Variants in POFUT2 observed in about 807,000 individuals in gnomAD.
The protein encoded by POFUT2 is protein O-fucosyltransferase 2.
Under a neutral mutation model 55.0 loss-of-function variants are expected in POFUT2, and 30 were observed. That is an observed-to-expected ratio of 0.55 (90% CI 0.41 to 0.74). The LOEUF (loss-of-function observed/expected upper bound fraction) is 0.74. POFUT2 is among the 30% of genes least tolerant of loss of function. POFUT2 has a pLI of 0.00. For synonymous variants in POFUT2, 267 were observed against 231.1 expected, an observed-to-expected ratio of 1.16 and a Z score of -1.41; for missense variants, 524 against 562.6, an observed-to-expected ratio of 0.93 and a Z score of 0.69.
chr21:45,265,310 C>T lies in POFUT2; in HGVS notation c.*172G>A, dbSNP rs114378659. 1.3e-3 allele frequency: 644 copies of T among 488,364 alleles called. 2 individuals are homozygous for T. The highest frequency in any genetic ancestry group is 5.3e-3 in the African/African-American group (269 of 50,376). The allele number at this position is 488,364 out of a possible 1,614,324, so 30.3% of individuals were successfully genotyped here. ...CATCAGCCATGGCGGCTGGCAACGC[C>T]GAGGACGGAGCCCAGCTCTAGAGGC... On this transcript the variant is annotated 3_prime_UTR_variant, in exon 9 of 9. Coordinates refer to ENST00000349485, the MANE Select transcript of POFUT2 (RefSeq NM_133635.6). This position sits in a 1 kb window ranked among gnomAD's most constrained non-coding sequence, Gnocchi z 4.6.
chr21:45,281,355 A>C lies in POFUT2; in HGVS notation c.638+994T>G, dbSNP rs1241656426. On this transcript the variant is annotated intron_variant, in intron 4 of 8. Transcript: ENST00000349485. The surrounding 1 kb of genome is among the most constrained non-coding windows in gnomAD (Gnocchi z 5.0). ...GTCATGAAATGAACCCAGTCCCAGG[A>C]CAACATTAAAGCTGCATCTCAACAA... 6.6e-6 allele frequency among the ~76,000 whole-genome samples: 1 copy of C among 151,438 alleles called. No homozygotes were observed. The highest frequency in any genetic ancestry group is 2.5e-5 in the African/African-American group (1 of 40,764).
chr21:45,265,280 C>CGTA lies in POFUT2; in HGVS notation c.*201_*202insTAC. ...CCGCCACCCCCGAGAGCAGCGGAGC[C>CGTA]TCTTCATCAGCCATGGCGGCTGGCA... On this transcript the variant is annotated 3_prime_UTR_variant, in exon 9 of 9. Coordinates refer to ENST00000349485, the MANE Select transcript of POFUT2 (RefSeq NM_133635.6). The surrounding 1 kb of genome is among the most constrained non-coding windows in gnomAD (Gnocchi z 4.6). The CGTA allele has an allele frequency of 2.3e-6, 1 of 435,512 alleles. No individual in the cohort carries two copies. 27.0% of individuals were successfully genotyped at this position (435,512 alleles called of 1,614,324 possible). A position where few individuals can be genotyped will look rare whatever the true frequency, so the allele number is the denominator to read the frequency against.
In POFUT2 at chr21:45,271,470, C is replaced by T. The variant is rs144733368; in HGVS notation, c.832-1451G>A. Among the ~76,000 whole-genome samples the T allele has an allele frequency of 6.6e-5, 10 of 152,286 alleles. No homozygotes were observed. In the East Asian group the frequency reaches 1.5e-3, roughly 23 times the overall value. ...AAGAGTAATCTAAAAGTTTGGAAAACTTATTTGAGGGAATAATTGAGGAAA... is the reference window on the plus strand; with the variant it reads ...AAGAGTAATCTAAAAGTTTGGAAAATTTATTTGAGGGAATAATTGAGGAAA... On this transcript the variant is annotated intron_variant, in intron 6 of 8. Transcript: ENST00000349485.
chr21:45,276,897 G>T, intron 6 of POFUT2, 120 bp downstream of exon 6: 1 of 1,100,022 alleles, frequency 9.1e-7, no homozygotes. Flanking sequence ...GAGAGGCGCC[G>T]AGGCATCCAC....
In POFUT2 at chr21:45,267,568, C is replaced by T. The variant is rs570960569; in HGVS notation, c.1136+22G>A. ...GAAAGCCACCCGACCCGCTCTCGGC[C>T]GACAGTGACGTGGGCAGGCACCTGG... On this transcript the variant is annotated intron_variant, in intron 8 of 8. Coordinates refer to ENST00000349485, the MANE Select transcript of POFUT2 (RefSeq NM_133635.6). This position sits in a 1 kb window ranked among gnomAD's most constrained non-coding sequence, Gnocchi z 4.4. The T allele has an allele frequency of 3.3e-5, 53 of 1,614,006 alleles. No individual in the cohort carries two copies. The highest frequency in any genetic ancestry group is 4.0e-5 in the African/African-American group (3 of 74,916).
intron 4 of POFUT2, among the ~76,000 whole-genome samples, chr21:45,280,726 C>T (rs2030531383): frequency 6.8e-6 from 1 of 146,298 alleles, no homozygotes; most frequent in African/African-American, 2.5e-5. Flanking sequence ...CCGTCTTGGA[C>T]TCGCCTCACC....
Position 45,282,353 on chromosome 21 carries a change from C to T in POFUT2, c.634G>A (p.Ala212Thr), listed in dbSNP as rs1159368992. 6.2e-7 allele frequency: 1 copy of T among 1,608,512 alleles called. No individual in the cohort carries two copies. The highest frequency in any genetic ancestry group is 1.7e-5 in the Admixed American group (1 of 60,024). The change falls in exon 4 of 9, where the codon GCC (alanine) becomes ACC (threonine). Residue 212 changes from alanine (A) to threonine (T), a missense_variant. Physicochemically the swap from Ala to Thr is moderately conservative, Grantham distance 58 (BLOSUM62 0). This residue lies in a region of POFUT2 where 250 missense variants were observed against 318.2 expected (regional missense o/e 0.79). Coordinates refer to ENST00000349485, the MANE Select transcript of POFUT2 (RefSeq NM_133635.6). The surrounding 1 kb of genome is among the most constrained non-coding windows in gnomAD (Gnocchi z 4.6). The stretch of plus-strand genomic sequence containing the variant: ...CGGGGGGCCTGGGGCACTCACCGGG[C>T]TGATGTGTTTCTCAGCAGCAGGGGC... ...VAPLLLRNTSARSVMLDRAEN... is the reference protein window; with the variant it reads ...VAPLLLRNTSTRSVMLDRAEN...
Position 45,277,271 on chromosome 21 carries a change from C to T in POFUT2, c.706-129G>A, listed in dbSNP as rs762074110. On this transcript the variant is annotated intron_variant, in intron 5 of 8. Coordinates refer to ENST00000349485, the MANE Select transcript of POFUT2 (RefSeq NM_133635.6). The surrounding 1 kb of genome is among the most constrained non-coding windows in gnomAD (Gnocchi z 6.9). ...ACAAGCCCCTCAGACACGTCATCCA[C>T]GGTCGCCTGAGAAGCAGCGCCATCC... 272 of 1,256,718 alleles carry T rather than the reference C, an allele frequency of 2.2e-4. No individual in the cohort carries two copies. The highest frequency in any genetic ancestry group is 5.7e-4 in the South Asian group (40 of 69,568). The allele number at this position is 1,256,718 out of a possible 1,614,324, so 77.8% of individuals were successfully genotyped here.
At chr21:45,268,712 G>A (rs1239118655) in intron 7 of POFUT2, among the ~76,000 whole-genome samples, 26 of 148,252 alleles carry the variant, frequency 1.8e-4, no homozygotes, top group African/African-American at 4.7e-4. Context: ...CTGCCCGGCC[G>A]CCCCGTCTGA....
chr21:45,279,537 A>C (rs2030327239), intron 4 of POFUT2, among the ~76,000 whole-genome samples: 1 of 152,252 alleles, frequency 6.6e-6, no homozygotes, highest in African/African-American at 2.4e-5. Flanking sequence ...AAAGAAACAC[A>C]CACGAACAGA....
intron 6 of POFUT2, among the ~76,000 whole-genome samples, chr21:45,275,018 C>G (rs1000058421): frequency 1.2e-4 from 18 of 152,130 alleles, no homozygotes; most frequent in African/African-American, 1.7e-4. Flanking sequence ...AATACTTGCA[C>G]ACTTTGCATC....
In POFUT2 at chr21:45,277,080, T is replaced by A. The variant is rs1400293335; in HGVS notation, c.768A>T (p.Arg256Ser). 6.2e-7 allele frequency: 1 copy of A among 1,614,050 alleles called. No homozygotes were observed. Among genetic ancestry groups the A allele is most frequent in the East Asian group, 2.2e-5 (1 of 44,870 alleles). The stretch of plus-strand genomic sequence containing the variant: ...CTGCGTCGTCCGTGGAGTTGAGATG[T>A]CTGCTCCTGAACTCGTCTCCCACCT... The part of the protein sequence containing the change: ...LREVGDEFRS[R>S]HLNSTDDADR... The change falls in exon 6 of 9, where the codon AGA becomes AGT. Residue 256 changes from arginine (R) to serine (S), a missense_variant. Arg to Ser is a moderately radical substitution (Grantham distance 110). Around this residue, in one of 2 missense-constraint regions of POFUT2, gnomAD observed 250 missense variants for 318.2 expected, o/e 0.79. Transcript: ENST00000349485. This position sits in a 1 kb window ranked among gnomAD's most constrained non-coding sequence, Gnocchi z 6.9.
In POFUT2 at chr21:45,285,607, G is replaced by C. The variant is rs770217993; in HGVS notation, c.382+71C>G. On this transcript the variant is annotated intron_variant, in intron 2 of 8. Coordinates refer to ENST00000349485, the MANE Select transcript of POFUT2 (RefSeq NM_133635.6). The surrounding 1 kb of genome is among the most constrained non-coding windows in gnomAD (Gnocchi z 4.9). ...GATGCAATCGTAAGCCCAACCTGAT[G>C]TCTACCTTAGAAATGACTGCCTGGC... The C allele has an allele frequency of 3.8e-6, 6 of 1,595,920 alleles. No individual in the cohort carries two copies. In the South Asian group the frequency reaches 6.7e-5, roughly 18 times the overall value.
chr21:45,265,402 G>A lies in POFUT2; in HGVS notation c.*80C>T. On this transcript the variant is annotated 3_prime_UTR_variant, in exon 9 of 9. Coordinates refer to ENST00000349485, the MANE Select transcript of POFUT2 (RefSeq NM_133635.6). This position sits in a 1 kb window ranked among gnomAD's most constrained non-coding sequence, Gnocchi z 4.6. Reference sequence around the variant, plus strand: ...CTGTCCGCCCAGCTCCCGGCTGGCAGTAGACGGTGACTCCACGGCGACAGA... The same window carrying A: ...CTGTCCGCCCAGCTCCCGGCTGGCAATAGACGGTGACTCCACGGCGACAGA... The A allele has an allele frequency of 2.2e-6, 3 of 1,338,116 alleles. No individual in the cohort carries two copies. In the East Asian group the frequency reaches 7.0e-5, roughly 31 times the overall value. The allele number at this position is 1,338,116 out of a possible 1,614,324, so 82.9% of individuals were successfully genotyped here. A position where few individuals can be genotyped will look rare whatever the true frequency, so the allele number is the denominator to read the frequency against.
chr21:45,286,236 C>T (rs1000776128), intron 1 of POFUT2, among the ~76,000 whole-genome samples: 5 of 152,170 alleles, frequency 3.3e-5, no homozygotes, highest in Non-Finnish European at 1.5e-5. Flanking sequence ...TTTAAAGACC[C>T]CTTTACACTG....
At position 45,264,919 on chromosome 21, in the gene POFUT2, C is replaced by G. The variant is rs2093140436; in HGVS notation, c.*563G>C. On this transcript the variant is annotated 3_prime_UTR_variant, in exon 9 of 9. Transcript: ENST00000349485. ...CCTCAGGCCCTTTCCTTTGCAGCAC[C>G]AGGTCTGCCTTGCACGCATCCCAGG... 6.6e-6 allele frequency: 1 copy of G among 152,392 alleles called. No homozygotes were observed. Among genetic ancestry groups the G allele is most frequent in the African/African-American group, 2.4e-5 (1 of 41,468 alleles). The allele number at this position is 152,392 out of a possible 1,614,324, so 9.4% of individuals were successfully genotyped here.
At position 45,277,006 on chromosome 21, in the gene POFUT2, A is replaced by AG. The variant is rs1569224906; in HGVS notation, c.831+10dup. On this transcript the variant is annotated intron_variant, in intron 6 of 8. Transcript: ENST00000349485. This position sits in a 1 kb window ranked among gnomAD's most constrained non-coding sequence, Gnocchi z 6.9. ...ACCTTTTCTCTAATTAACAAAAGGG[A>AG]GGGGGGCTACCTTCATCTTCATCCA... 5.0e-6 allele frequency: 8 copies of AG among 1,613,588 alleles called. No homozygotes were observed. Among genetic ancestry groups the AG allele is most frequent in the South Asian group, 4.4e-5 (4 of 91,062 alleles).
At chr21:45,269,471 T>C (rs1427944183) in intron 7 of POFUT2, among the ~76,000 whole-genome samples, 1 of 152,122 alleles carries the variant, frequency 6.6e-6, no homozygotes, top group Admixed American at 6.5e-5. Flanking sequence ...TGGGATCCTG[T>C]TGATCTGTGA....
intron 7 of POFUT2, among the ~76,000 whole-genome samples, chr21:45,268,801 G>A (rs1219106172): frequency 1.9e-4 from 28 of 147,702 alleles, no homozygotes; most frequent in South Asian, 6.5e-4. Flanking sequence ...CACCCCGTCC[G>A]GGAGGGAGGT....
Sources: gnomAD v4.1 joint callset for allele counts (sites outside exome capture counted in the v4.1 genomes callset) on GRCh38, gnomAD v4.1.1 for gene constraint, gnomAD v4.1.1 regional missense constraint, Gnocchi (gnomAD v3.1) non-coding constraint, MANE v1.5 for transcripts, NCBI Gene and HGNC (gene_info 2026-07-23, HGNC 2026-07-21) for gene names.